Variants in S100A4 observed in about 807,000 individuals in gnomAD.
S100A4 encodes the protein S100 calcium binding protein A4.
A neutral mutation model predicts 6.3 loss-of-function variants in S100A4; 4 were observed. That is an observed-to-expected ratio of 0.64 (90% confidence interval 0.31 to 1.46). The LOEUF (loss-of-function observed/expected upper bound fraction) is 1.46. Among genes scored for constraint, S100A4 ranks in the 40% most tolerant of loss-of-function variants. S100A4 has a pLI of 0.07. For synonymous variants in S100A4, 44 were observed against 47.6 expected, an observed-to-expected ratio of 0.92 and a Z score of 0.32; for missense variants, 108 against 120.8, an observed-to-expected ratio of 0.89 and a Z score of 0.50.
At position 153,544,802 on chromosome 1, in the gene S100A4, G is replaced by A; in HGVS notation, c.-8C>T. The A allele has an allele frequency of 1.2e-6, 2 of 1,614,166 alleles. No individual in the cohort carries two copies. The highest frequency in any genetic ancestry group is 1.7e-6 in the Non-Finnish European group (2 of 1,180,010). ...CTCCAGAGGGCACGCCATGACAGCA[G>A]TCAGGATCTGGGAGCAGGAGGCACA... On this transcript the variant is annotated 5_prime_UTR_variant, in exon 2 of 3. Coordinates refer to ENST00000368716, the MANE Select transcript of S100A4 (RefSeq NM_002961.3).
At chr1:153,544,627 G>T (rs1237201380) in intron 2 of S100A4, 27 bp downstream of exon 2, 2 of 1,613,702 alleles carry the variant, frequency 1.2e-6, no homozygotes, top group Non-Finnish European at 8.5e-7. Context: ...CCCCACGTGG[G>T]GACTCACTCA....
At chr1:153,544,577 T>C in intron 2 of S100A4, 77 bp downstream of exon 2, 2 of 1,578,418 alleles carry the variant, frequency 1.3e-6, no homozygotes, top group Non-Finnish European at 1.7e-6. Flanking sequence ...CTGTAGCTAA[T>C]GCTCTAGAGC....
intron 2 of S100A4, 76 bp from the exon 3 acceptor site, chr1:153,543,999 C>A (rs1665475288): frequency 2.6e-6 from 4 of 1,538,400 alleles, no homozygotes; most frequent in Non-Finnish European, 3.6e-6. Context: ...GTTTCTACTC[C>A]CAGACCAGAG....
chr1:153,544,961 G>C, intron 1 of S100A4, 152 bp from the exon 2 acceptor site: 2 of 870,966 alleles, frequency 2.3e-6, no homozygotes, highest in East Asian at 2.6e-5. Flanking sequence ...CCCGCACCTG[G>C]CTGGGAGGGT....
At chr1:153,544,460 T>C (rs544463706) in intron 2 of S100A4, among the ~76,000 whole-genome samples, 194 bp downstream of exon 2, 2 of 152,336 alleles carry the variant, frequency 1.3e-5, no homozygotes, top group East Asian at 3.9e-4. Context: ...CACCTGGCAG[T>C]GTCTGACCCA....
chr1:153,544,853 T>C (rs1665510239), intron 1 of S100A4, 44 bp from the exon 2 acceptor site: 1 of 1,608,304 alleles, frequency 6.2e-7, no homozygotes, highest in Non-Finnish European at 8.5e-7. Context: ...ATCCCACCCC[T>C]CAGAGATGTG....
rs1665456346 is a variant in S100A4, at chr1:153,543,666, TG to T, written c.*92del. 8.3e-7 allele frequency: 1 copy of T among 1,203,970 alleles called. No homozygotes were observed. Among genetic ancestry groups the T allele is most frequent in the African/African-American group, 1.5e-5 (1 of 65,304 alleles). 74.6% of individuals were successfully genotyped at this position (1,203,970 alleles called of 1,614,324 possible). The stretch of plus-strand genomic sequence containing the variant: ...TTGAACTTGCTCAGCATCAAGCACG[TG>T]TCTGAAGGAGCCAGGGTGGAAAAAA... On this transcript the variant is annotated 3_prime_UTR_variant, in exon 3 of 3. Coordinates refer to ENST00000368716, the MANE Select transcript of S100A4 (RefSeq NM_002961.3).
At chr1:153,543,983 G>T in intron 2 of S100A4, 60 bp from the exon 3 acceptor site, 1 of 1,583,650 alleles carries the variant, frequency 6.3e-7, no homozygotes, top group Non-Finnish European at 8.6e-7. Context: ...GCCAGGACCA[G>T]ACCCAGTTTC....
chr1:153,545,132 G>A (rs1158253646), intron 1 of S100A4: 1 of 241,718 alleles, frequency 4.1e-6, no homozygotes, highest in Non-Finnish European at 8.3e-6. Context: ...CCACAGCTCA[G>A]CCACAAAGGC....
Position 153,544,716 on chromosome 1 carries a change from A to G in S100A4, c.79T>C (p.Phe27Leu). 3 of 1,614,168 alleles carry G rather than the reference A, an allele frequency of 1.9e-6. No homozygotes were observed. The highest frequency in any genetic ancestry group is 2.5e-6 in the Non-Finnish European group (3 of 1,180,014). ...TTTAGTTCTGACTTGTTGAGCTTGAACTTGTCACCCTCTTTGCCCGAGTAC... is the reference window on the plus strand; with the variant it reads ...TTTAGTTCTGACTTGTTGAGCTTGAGCTTGTCACCCTCTTTGCCCGAGTAC... Reference protein sequence around the residue: ...HKYSGKEGDKFKLNKSELKEL... With the variant: ...HKYSGKEGDKLKLNKSELKEL... The change falls in exon 2 of 3, where the codon TTC (phenylalanine) becomes CTC (leucine). Residue 27 changes from phenylalanine (F) to leucine (L), a missense_variant. By Grantham distance (22) the Phe-to-Leu change is conservative. Transcript: ENST00000368716.
At chr1:153,544,504 G>A in intron 2 of S100A4, 150 bp downstream of exon 2, 1 of 972,174 alleles carries the variant, frequency 1.0e-6, no homozygotes, top group Admixed American at 2.0e-5. Flanking sequence ...ATGGGGCCAG[G>A]CAGTGAGTGG....
At position 153,543,855 on chromosome 1, in the gene S100A4, C is replaced by A. The variant is rs769444857; in HGVS notation, c.210G>T (p.Val70=). 6.2e-7 allele frequency: 1 copy of A among 1,614,178 alleles called. No individual in the cohort carries two copies. The highest frequency in any genetic ancestry group is 8.5e-7 in the Non-Finnish European group (1 of 1,180,030). Reference sequence around the variant, plus strand: ...GGAAGACACAGTACTCTTGGAAGTCCACCTCGTTGTCCCTGTTGCTGTCCA... The same window carrying A: ...GGAAGACACAGTACTCTTGGAAGTCAACCTCGTTGTCCCTGTTGCTGTCCA... ...SNLDSNRDNE[V]DFQEYCVFLS... The change falls in exon 3 of 3, where the codon GTG becomes GTT. Residue 70 remains valine, a synonymous_variant. Transcript: ENST00000368716.
chr1:153,543,970 G>A (rs779094327), intron 2 of S100A4, 47 bp from the exon 3 acceptor site: 23 of 1,605,668 alleles, frequency 1.4e-5, no homozygotes, highest in Non-Finnish European at 1.8e-5. Context: ...CCCAGTGGGT[G>A]GAGCCAGGAC....
At chr1:153,544,001 A>T in intron 2 of S100A4, 78 bp from the exon 3 acceptor site, 1 of 1,514,868 alleles carries the variant, frequency 6.6e-7, no homozygotes, top group Non-Finnish European at 9.0e-7. Context: ...TTCTACTCCC[A>T]GACCAGAGTT....
rs755911205 is a variant in S100A4 at position 153,544,801 on chromosome 1, A to C, written c.-7T>G. ...TCTCCAGAGGGCACGCCATGACAGCAGTCAGGATCTGGGAGCAGGAGGCAC... is the reference window on the plus strand; with the variant it reads ...TCTCCAGAGGGCACGCCATGACAGCCGTCAGGATCTGGGAGCAGGAGGCAC... On this transcript the variant is annotated 5_prime_UTR_variant, in exon 2 of 3. Coordinates refer to ENST00000368716, the MANE Select transcript of S100A4 (RefSeq NM_002961.3). 8.1e-6 allele frequency: 13 copies of C among 1,614,026 alleles called. No individual in the cohort carries two copies. The South Asian group carries it at 1.4e-4, about 18-fold the overall frequency.
chr1:153,544,782 G>C lies in S100A4; in HGVS notation c.13C>G (p.Leu5Val). MACP[L>V]EKALDVMVST... ...ACCATCACATCCAGGGCCTTCTCCA[G>C]AGGGCACGCCATGACAGCAGTCAGG... Residue 5 changes from leucine to valine, a missense_variant, in exon 2 of 3, where the codon CTG becomes GTG. Physicochemically the swap from Leu to Val is conservative, Grantham distance 32. Transcript: ENST00000368716. The C allele has an allele frequency of 6.2e-7, 1 of 1,614,214 alleles. No homozygotes were observed. Among genetic ancestry groups the C allele is most frequent in the Non-Finnish European group, 8.5e-7 (1 of 1,180,026 alleles).
intron 1 of S100A4, 40 bp from the exon 2 acceptor site, chr1:153,544,849 C>G: frequency 6.2e-7 from 1 of 1,610,752 alleles, no homozygotes; most frequent in South Asian, 1.1e-5. Context: ...ATTAATCCCA[C>G]CCCTCAGAGA....
intron 2 of S100A4, 32 bp from the exon 3 acceptor site, chr1:153,543,955 A>G (rs751598045): frequency 2.5e-6 from 4 of 1,611,660 alleles, no homozygotes; most frequent in Non-Finnish European, 3.4e-6. Flanking sequence ...GATAGAAAAC[A>G]GAAGCCCAGT....
In S100A4 at chr1:153,543,687, A is replaced by C; in HGVS notation, c.*72T>G. On this transcript the variant is annotated 3_prime_UTR_variant, in exon 3 of 3. Coordinates refer to ENST00000368716, the MANE Select transcript of S100A4 (RefSeq NM_002961.3). The stretch of plus-strand genomic sequence containing the variant: ...CACGTGTCTGAAGGAGCCAGGGTGG[A>C]AAAAAAAAAGTGCCCACTGGCGACA... The C allele has an allele frequency of 8.6e-7, 1 of 1,168,674 alleles. No individual in the cohort carries two copies. The highest frequency in any genetic ancestry group is 1.2e-6 in the Non-Finnish European group (1 of 852,258). The allele number at this position is 1,168,674 out of a possible 1,614,324, so 72.4% of individuals were successfully genotyped here. A position where few individuals can be genotyped will look rare whatever the true frequency, so the allele number is the denominator to read the frequency against.
Sources: gnomAD v4.1 joint callset for allele counts (sites outside exome capture counted in the v4.1 genomes callset) on GRCh38, gnomAD v4.1.1 for gene constraint, MANE v1.5 for transcripts, NCBI Gene and HGNC (gene_info 2026-07-23, HGNC 2026-07-21) for gene names.